CNTN6: variants seen among roughly 807,000 people sequenced by gnomAD.
CNTN6 encodes the protein contactin 6.
A neutral mutation model predicts 122.8 loss-of-function variants in CNTN6; 137 were observed. The observed-to-expected ratio is 1.12, with a 90% CI of 0.97 to 1.29. The LOEUF is 1.29. Among genes scored for constraint, CNTN6 ranks in the 50% most tolerant of loss-of-function variants. The pLI is 0.00. For synonymous variants in CNTN6, 570 were observed against 426.0 expected, an observed-to-expected ratio of 1.34 and a Z score of -4.16; for missense variants, 1,634 against 1,223.4, an observed-to-expected ratio of 1.34 and a Z score of -5.01.
chr3:1,291,943 T>C (rs956336269), intron 5 of CNTN6, among the ~76,000 whole-genome samples: 4 of 152,156 alleles, frequency 2.6e-5, no homozygotes, highest in Non-Finnish European at 4.4e-5. Context: ...TCCAAAAGTA[T>C]AGACTCTTAG....
rs191803516 is a variant in CNTN6, at chr3:1,283,589, A to G, written c.454+5081A>G. Among the ~76,000 whole-genome samples, 358 of 152,354 alleles carry G rather than the reference A, an allele frequency of 2.3e-3. 3 individuals carry two copies. Among genetic ancestry groups the G allele is most frequent in the South Asian group, 0.017 (80 of 4,832 alleles). ...GCCTCATAGGAAATCTTATTTAAAA[A>G]TGACAGAATGAAGCAACGATACATG... On this transcript the variant is annotated intron_variant, in intron 5 of 22. Coordinates refer to ENST00000446702, the MANE Select transcript of CNTN6 (RefSeq NM_001289080.2).
intron 2 of CNTN6, among the ~76,000 whole-genome samples, chr3:1,198,415 C>G (rs1413413346): frequency 6.6e-6 from 1 of 152,116 alleles, no homozygotes; most frequent in Non-Finnish European, 1.5e-5. Context: ...TGTGTTACCA[C>G]ACAAATTGCA....
chr3:1,356,999 A>G (rs1002394730), intron 12 of CNTN6, among the ~76,000 whole-genome samples: 4 of 152,042 alleles, frequency 2.6e-5, no homozygotes, highest in East Asian at 1.9e-4. Context: ...CTTGGTCTTC[A>G]TGAAAATTTA....
chr3:1,347,058 C>G (rs556510124), intron 11 of CNTN6, among the ~76,000 whole-genome samples: 23 of 152,206 alleles, frequency 1.5e-4, no homozygotes, highest in African/African-American at 5.1e-4. Context: ...AATATTTATA[C>G]GTTATTGGCT....
At chr3:1,316,795 C>T (rs966475124) in intron 7 of CNTN6, among the ~76,000 whole-genome samples, 5 of 151,790 alleles carry the variant, frequency 3.3e-5, no homozygotes, top group African/African-American at 4.8e-5. Flanking sequence ...CATTAAAGCT[C>T]GCTACTAAAA....
rs1009783553 is a variant in CNTN6, at chr3:1,326,968, A to G, written c.1084-489A>G. ...TAACAGATTTTGGCTGTTTAGGCAC[A>G]CTTTATAGTAGTTTGTAGAAAGGAA... On this transcript the variant is annotated intron_variant, in intron 9 of 22. Coordinates refer to ENST00000446702, the MANE Select transcript of CNTN6 (RefSeq NM_001289080.2). Among the ~76,000 whole-genome samples the G allele has an allele frequency of 2.0e-5, 3 of 151,918 alleles. No individual in the cohort carries two copies. The South Asian group carries it at 6.2e-4, about 31-fold the overall frequency.
At chr3:1,375,925 T>G (rs1035653939) in intron 16 of CNTN6, among the ~76,000 whole-genome samples, 1 of 152,012 alleles carries the variant, frequency 6.6e-6, no homozygotes, top group African/African-American at 2.4e-5. Context: ...CAATCTAGAT[T>G]TATTTAGGTG....
At chr3:1,301,225 C>T (rs1488422911) in intron 7 of CNTN6, among the ~76,000 whole-genome samples, 2 of 151,710 alleles carry the variant, frequency 1.3e-5, no homozygotes, top group African/African-American at 4.8e-5. Flanking sequence ...ATAGTAGAGG[C>T]GGAGTTTCAC....
intron 2 of CNTN6, among the ~76,000 whole-genome samples, chr3:1,211,865 C>T (rs1196301865): frequency 6.6e-6 from 1 of 152,158 alleles, no homozygotes; most frequent in Non-Finnish European, 1.5e-5. Flanking sequence ...ATTCACTTCT[C>T]ATCCAGTCAG....
At chr3:1,284,079 A>G (rs1693940952) in intron 5 of CNTN6, among the ~76,000 whole-genome samples, 1 of 152,222 alleles carries the variant, frequency 6.6e-6, no homozygotes, top group Admixed American at 6.5e-5. Context: ...TTTGATTTAG[A>G]GGAAATGTTC....
chr3:1,127,959 C>T (rs2092222631), intron 1 of CNTN6, among the ~76,000 whole-genome samples: 1 of 151,968 alleles, frequency 6.6e-6, no homozygotes, highest in African/African-American at 2.4e-5. Context: ...TGAGTGAGCA[C>T]AGTCTTTAGG....
At chr3:1,290,356 C>T (rs1284015180) in intron 5 of CNTN6, among the ~76,000 whole-genome samples, 8 of 152,090 alleles carry the variant, frequency 5.3e-5, no homozygotes, top group Non-Finnish European at 5.9e-5. Flanking sequence ...AGGGAATGGA[C>T]AGTGAGGAAC....
chr3:1,385,962 C>G (rs547280798), intron 20 of CNTN6, among the ~76,000 whole-genome samples, 165 bp downstream of exon 20: 16 of 152,094 alleles, frequency 1.1e-4, no homozygotes, highest in African/African-American at 3.9e-4. Context: ...CTTTTGGTAA[C>G]AATCAAGGTA....
intron 2 of CNTN6, 51 bp downstream of exon 2, chr3:1,148,114 T>A: frequency 7.3e-7 from 1 of 1,369,276 alleles, no homozygotes. Flanking sequence ...ATTGGCATTG[T>A]ATTTCTTTCT....
Position 1,112,882 on chromosome 3 carries a change from T to C in CNTN6, c.-83+19762T>C, listed in dbSNP as rs921007934. 5.9e-5 allele frequency among the ~76,000 whole-genome samples: 9 copies of C among 152,174 alleles called. No individual in the cohort carries two copies. The South Asian group carries it at 8.3e-4, about 14-fold the overall frequency. On this transcript the variant is annotated intron_variant, in intron 1 of 22. Transcript: ENST00000446702. ...CATTAAGAAGTGAGAGGAAGTTGTA[T>C]TGGGGAGAAAAGCAAACATAAGAAA...
At chr3:1,243,304 G>T (rs540410764) in intron 4 of CNTN6, among the ~76,000 whole-genome samples, 1 of 152,240 alleles carries the variant, frequency 6.6e-6, no homozygotes, top group East Asian at 1.9e-4. Context: ...CTGGGGGAAC[G>T]CCTGGCTGCT....
Position 1,383,327 on chromosome 3 carries a change from G to A in CNTN6, c.2436G>A (p.Gln812=), listed in dbSNP as rs79507688. 2.7e-5 allele frequency: 44 copies of A among 1,614,066 alleles called. No individual in the cohort carries two copies. The East Asian group carries it at 9.6e-4, about 35-fold the overall frequency. Reference sequence around the variant, plus strand: ...TGGCCCCAAGGGGAACTTCTCTCCAGAGTTTTTCTGCTTCTGAAATGGAGG... The same window carrying A: ...TGGCCCCAAGGGGAACTTCTCTCCAAAGTTTTTCTGCTTCTGAAATGGAGG... ...PQLAPRGTSL[Q]SFSASEMEVS... The change falls in exon 19 of 23, where the codon CAG becomes CAA. Residue 812 remains glutamine (Q), a synonymous_variant. Coordinates refer to ENST00000446702, the MANE Select transcript of CNTN6 (RefSeq NM_001289080.2).
intron 10 of CNTN6, among the ~76,000 whole-genome samples, chr3:1,328,084 C>G (rs947656725): frequency 2.7e-5 from 4 of 150,618 alleles, no homozygotes; most frequent in African/African-American, 9.7e-5. Flanking sequence ...GAAATCAAGT[C>G]TATGCTCAAG....
chr3:1,304,356 A>T (rs977097508), intron 7 of CNTN6, among the ~76,000 whole-genome samples: 3 of 152,020 alleles, frequency 2.0e-5, no homozygotes, highest in Admixed American at 6.6e-5. Flanking sequence ...AAATACAGTG[A>T]GGCTTAGATA....
Sources: gnomAD v4.1 joint callset for allele counts (sites outside exome capture counted in the v4.1 genomes callset) on GRCh38, gnomAD v4.1.1 for gene constraint, MANE v1.5 for transcripts, NCBI Gene and HGNC (gene_info 2026-07-23, HGNC 2026-07-21) for gene names.